HDAC9: variants seen among roughly 807,000 people sequenced by gnomAD.
HDAC9 encodes the protein histone deacetylase 9, also known as MEF-2 interacting transcription repressor (MITR) protein.
A neutral mutation model predicts 139.4 loss-of-function variants in HDAC9; 41 were observed. The ratio of observed to expected loss-of-function variants is 0.29; its 90% confidence interval spans 0.23 to 0.38. HDAC9 has a LOEUF of 0.38. HDAC9 is among the 10% of genes least tolerant of loss of function. The probability of loss-of-function intolerance (pLI) is 1.00; values close to 1 mark genes in which losing one functional copy is unlikely to be tolerated. For missense variants in HDAC9, 1,147 were observed against 1,297.0 expected, an observed-to-expected ratio of 0.88 and a Z score of 1.78; for synonymous variants, 517 against 476.2, an observed-to-expected ratio of 1.09 and a Z score of -1.12.
intron 1 of HDAC9, among the ~76,000 whole-genome samples, chr7:18,300,037 A>C (rs1170571828): frequency 6.6e-6 from 1 of 152,150 alleles, no homozygotes; most frequent in Non-Finnish European, 1.5e-5. Flanking sequence ...CCACCACCCT[A>C]AAATTCAGGT....
intron 1 of HDAC9, among the ~76,000 whole-genome samples, chr7:18,122,661 C>T (rs1784427107): frequency 6.6e-6 from 1 of 152,084 alleles, no homozygotes; most frequent in African/African-American, 2.4e-5. Flanking sequence ...CTGTGTCCCC[C>T]AGGCTGGAAT....
At chr7:18,974,771 T>A (rs1784452439) in intron 24 of HDAC9, among the ~76,000 whole-genome samples, 1 of 152,186 alleles carries the variant, frequency 6.6e-6, no homozygotes, top group African/African-American at 2.4e-5. Context: ...TTGAGGCATC[T>A]CCCTATTTCA....
At chr7:18,119,237 T>A (rs182450927) in intron 1 of HDAC9, among the ~76,000 whole-genome samples, 2 of 152,190 alleles carry the variant, frequency 1.3e-5, no homozygotes, top group Non-Finnish European at 2.9e-5. Context: ...CATTGCATGC[T>A]CCATGCTATT....
At chr7:18,575,382 C>T (rs1825679005) in intron 2 of HDAC9, among the ~76,000 whole-genome samples, 1 of 152,088 alleles carries the variant, frequency 6.6e-6, no homozygotes, top group African/African-American at 2.4e-5. Flanking sequence ...CTTACCAGTT[C>T]TGGTGTAATT....
chr7:18,415,685 T>G (rs1337096060), intron 1 of HDAC9, among the ~76,000 whole-genome samples: 1 of 152,218 alleles, frequency 6.6e-6, no homozygotes, highest in Non-Finnish European at 1.5e-5. Context: ...TATGAGAATG[T>G]TATGATGCAG....
intron 16 of HDAC9, among the ~76,000 whole-genome samples, chr7:18,782,640 A>G (rs1028939437): frequency 2.6e-5 from 4 of 152,054 alleles, no homozygotes; most frequent in African/African-American, 9.7e-5. Flanking sequence ...GCATTATCAC[A>G]GATGATTTTT....
Position 18,140,908 on chromosome 7 carries a change from GT to G in HDAC9, c.-96-21305del, listed in dbSNP as rs78385182. On this transcript the variant is annotated intron_variant, in intron 1 of 12. Coordinates refer to the HDAC9 transcript ENST00000417496. ...TTTAAATGGGGAGCCAAACTTTAAA[GT>G]TTTTTTTTTTTTTTTAAAGAGAGTG... 9.5e-3 allele frequency among the ~76,000 whole-genome samples: 1,312 copies of G among 137,784 alleles called. 16 individuals carry two copies. The highest frequency in any genetic ancestry group is 0.025 in the African/African-American group (945 of 37,712). The allele number at this position is 137,784 out of a possible 152,430, so 90.4% of individuals were successfully genotyped here.
chr7:18,825,061 A>C (rs1399966342), intron 17 of HDAC9, among the ~76,000 whole-genome samples: 1 of 152,240 alleles, frequency 6.6e-6, no homozygotes, highest in Non-Finnish European at 1.5e-5. Flanking sequence ...GAAGGCTGGC[A>C]GAAGGCCAGA....
At chr7:18,415,608 A>T (rs1412577648) in intron 1 of HDAC9, among the ~76,000 whole-genome samples, 1 of 152,220 alleles carries the variant, frequency 6.6e-6, no homozygotes, top group Non-Finnish European at 1.5e-5. Context: ...TCAAAGAATG[A>T]TGATTTCAGG....
intron 2 of HDAC9, among the ~76,000 whole-genome samples, chr7:18,243,373 G>T (rs1398560125): frequency 6.6e-6 from 1 of 152,194 alleles, no homozygotes; most frequent in African/African-American, 2.4e-5. Flanking sequence ...TCCTCTTAGA[G>T]TTAGAATGAT....
rs975508713 is a variant in HDAC9, at chr7:18,256,064, C to G, written c.25+93715C>G. Among the ~76,000 whole-genome samples the G allele has an allele frequency of 3.2e-5, 4 of 123,356 alleles. No homozygotes were observed. The Admixed American group carries it at 3.7e-4, about 11-fold the overall frequency. The allele number at this position is 123,356 out of a possible 152,430, so 80.9% of individuals were successfully genotyped here. ...TAGAAACCTTGACATCTCAGCATAT[C>G]TAGGACTTTTCTTCTCTCAATATCT... On this transcript the variant is annotated intron_variant, in intron 2 of 12. Coordinates refer to the HDAC9 transcript ENST00000417496.
intron 1 of HDAC9, among the ~76,000 whole-genome samples, chr7:18,376,937 C>T (rs1287612513): frequency 6.6e-6 from 1 of 152,002 alleles, no homozygotes; most frequent in African/African-American, 2.4e-5. Context: ...TTATGGCAAC[C>T]TAAGCTGATG....
intron 24 of HDAC9, among the ~76,000 whole-genome samples, chr7:18,954,813 C>G (rs73307029): frequency 6.6e-6 from 1 of 151,876 alleles, no homozygotes; most frequent in Non-Finnish European, 1.5e-5. Flanking sequence ...CCAAAGGGCA[C>G]TATTAGGTGT....
chr7:18,743,724 TA>T (rs1290886896), intron 13 of HDAC9, among the ~76,000 whole-genome samples: 3 of 150,994 alleles, frequency 2.0e-5, no homozygotes, highest in African/African-American at 7.3e-5. Context: ...ATTAAACAAT[TA>T]AAAAATAAAT....
intron 16 of HDAC9, among the ~76,000 whole-genome samples, chr7:18,777,643 T>C (rs1412730631): frequency 6.6e-6 from 1 of 152,020 alleles, no homozygotes; most frequent in Non-Finnish European, 1.5e-5. Flanking sequence ...ATTAAATGAA[T>C]AGAATCAAGA....
chr7:18,707,074 C>T (rs117576395), intron 12 of HDAC9, among the ~76,000 whole-genome samples: 60 of 151,868 alleles, frequency 4.0e-4, no homozygotes, highest in Non-Finnish European at 7.7e-4. Flanking sequence ...AGGGGTGGAG[C>T]CCCAGAGAAG....
At chr7:18,650,998 G>A (rs1423495467) in intron 11 of HDAC9, among the ~76,000 whole-genome samples, 2 of 152,176 alleles carry the variant, frequency 1.3e-5, no homozygotes, top group African/African-American at 4.8e-5. Flanking sequence ...AGGGGACAGA[G>A]AGGAAGCTTA....
intron 1 of HDAC9, among the ~76,000 whole-genome samples, chr7:18,476,055 G>A (rs1336857073): frequency 1.3e-5 from 2 of 152,114 alleles, no homozygotes; most frequent in African/African-American, 4.8e-5. Context: ...GTCTCCATTA[G>A]GGATGACAAG....
intron 16 of HDAC9, among the ~76,000 whole-genome samples, chr7:18,778,350 A>G (rs976367401): frequency 1.3e-5 from 2 of 151,972 alleles, no homozygotes; most frequent in African/African-American, 4.8e-5. Context: ...GAACACTGAA[A>G]AGTCTCTGTC....
Sources: allele counts gnomAD v4.1 joint callset (sites outside exome capture counted in the v4.1 genomes callset), GRCh38; gene constraint gnomAD v4.1.1; transcripts MANE v1.5; gene names NCBI Gene and HGNC (gene_info 2026-07-23, HGNC 2026-07-21).